GRIN2B: variants seen among roughly 807,000 people sequenced by gnomAD.
GRIN2B encodes the protein glutamate ionotropic receptor NMDA type subunit 2B, also known as glutamate receptor ionotropic, NMDA 2B.
GRIN2B carries 5 observed loss-of-function variants against 114.5 expected under a neutral mutation model. The ratio of observed to expected loss-of-function variants is 0.04; its 90% CI spans 0.02 to 0.09. The LOEUF (loss-of-function observed/expected upper bound fraction) is 0.09. Among genes scored for constraint, GRIN2B ranks in the 10% least tolerant of loss-of-function variants. GRIN2B has a pLI of 1.00. For synonymous variants in GRIN2B, 787 were observed against 745.1 expected, an observed-to-expected ratio of 1.06 and a Z score of -0.92; for missense variants, 1,108 against 1,943.5, an observed-to-expected ratio of 0.57 and a Z score of 8.08.
At chr12:13,917,835 CT>C (rs919801208) in intron 2 of GRIN2B, among the ~76,000 whole-genome samples, 13 of 152,086 alleles carry the variant, frequency 8.5e-5, no homozygotes, top group African/African-American at 2.9e-4. Context: ...CAACAGTGTT[CT>C]TTTTTTCTTT....
intron 3 of GRIN2B, among the ~76,000 whole-genome samples, chr12:13,860,746 A>G (rs1036211462): frequency 1.3e-5 from 2 of 152,222 alleles, no homozygotes; most frequent in Non-Finnish European, 2.9e-5. Context: ...CTACCATGCT[A>G]CACCCTGATC....
intron 3 of GRIN2B, among the ~76,000 whole-genome samples, chr12:13,857,233 T>G (rs761461727): frequency 7.2e-5 from 11 of 152,176 alleles, no homozygotes; most frequent in Non-Finnish European, 1.2e-4. Flanking sequence ...TGAGAGTGAT[T>G]TGAGCATATT....
At chr12:13,803,376 G>A (rs1229471263) in intron 3 of GRIN2B, among the ~76,000 whole-genome samples, 5 of 152,056 alleles carry the variant, frequency 3.3e-5, no homozygotes, top group Non-Finnish European at 7.4e-5. Context: ...CACATGCCAG[G>A]TACTGGGCTG....
chr12:13,580,372 T>C (rs1289481106), intron 10 of GRIN2B, among the ~76,000 whole-genome samples: 1 of 152,220 alleles, frequency 6.6e-6, no homozygotes, highest in Non-Finnish European at 1.5e-5. Flanking sequence ...CAGAGGCGGA[T>C]ATTGCACATC....
At chr12:13,605,180 T>C (rs1011830350) in intron 10 of GRIN2B, among the ~76,000 whole-genome samples, 1 of 151,758 alleles carries the variant, frequency 6.6e-6, no homozygotes, top group Non-Finnish European at 1.5e-5. Context: ...ATTATTGTAA[T>C]AGAATGCGGA....
chr12:13,788,302 C>T (rs1300967741), intron 3 of GRIN2B, among the ~76,000 whole-genome samples: 3 of 152,110 alleles, frequency 2.0e-5, no homozygotes, highest in African/African-American at 7.2e-5. Context: ...ATAGGGAACA[C>T]ATATAGTATT....
intron 2 of GRIN2B, among the ~76,000 whole-genome samples, chr12:13,891,013 C>G (rs146944096): frequency 6.6e-6 from 1 of 152,270 alleles, no homozygotes; most frequent in East Asian, 1.9e-4. Flanking sequence ...ATCTCCGCTC[C>G]CTATCAGTAT....
chr12:13,798,296 T>TA (rs34266526), intron 3 of GRIN2B, among the ~76,000 whole-genome samples: 39,765 of 146,180 alleles, frequency 0.27, 6,845 homozygotes, highest in Non-Finnish European at 0.4. Context: ...ATTCATTTAC[T>TA]AAAAAAAAAA....
rs1948519441 is a variant in GRIN2B at position 13,559,817 on chromosome 12, G to GAA, written c.*2964_*2965dup. On this transcript the variant is annotated 3_prime_UTR_variant, in exon 14 of 14. Coordinates refer to ENST00000609686, the MANE Select transcript of GRIN2B (RefSeq NM_000834.5). ...GAGTCAGCGCCCAGGTCCTAAAGAA[G>GAA]AAAAGACTCAGATGACTGAGACGAT... 6.6e-6 allele frequency: 1 copy of GAA among 152,218 alleles called. No individual in the cohort carries two copies. Among genetic ancestry groups the GAA allele is most frequent in the Admixed American group, 6.5e-5 (1 of 15,286 alleles). 9.4% of individuals were successfully genotyped at this position (152,218 alleles called of 1,614,324 possible).
chr12:13,603,727 G>C (rs1469312844), intron 10 of GRIN2B, among the ~76,000 whole-genome samples: 1 of 152,046 alleles, frequency 6.6e-6, no homozygotes, highest in East Asian at 1.9e-4. Context: ...GAATTAAATA[G>C]GAAAGTGGGG....
chr12:13,775,631 C>T (rs1037333314), intron 3 of GRIN2B, among the ~76,000 whole-genome samples: 19 of 152,204 alleles, frequency 1.2e-4, no homozygotes, highest in African/African-American at 4.3e-4. Context: ...GTCATTAATA[C>T]ATTTGTATAC....
At chr12:13,647,201 G>C (rs1949769348) in intron 5 of GRIN2B, among the ~76,000 whole-genome samples, 1 of 152,092 alleles carries the variant, frequency 6.6e-6, no homozygotes, top group Non-Finnish European at 1.5e-5. Context: ...AGTATGTGCT[G>C]TTTAAGCCAC....
chr12:13,758,785 T>G (rs1400583273), intron 3 of GRIN2B, among the ~76,000 whole-genome samples: 1 of 152,214 alleles, frequency 6.6e-6, no homozygotes, highest in Admixed American at 6.5e-5. Context: ...ATCTTGTGCA[T>G]GCCTCCGTCA....
intron 10 of GRIN2B, among the ~76,000 whole-genome samples, chr12:13,573,051 G>C (rs1262626047): frequency 7.9e-6 from 1 of 126,612 alleles, no homozygotes; most frequent in Non-Finnish European, 1.8e-5. Context: ...GTGTAACCTT[G>C]GGCAAGTAGC....
chr12:13,703,639 T>C (rs946605852), intron 4 of GRIN2B, among the ~76,000 whole-genome samples: 3 of 152,206 alleles, frequency 2.0e-5, no homozygotes, highest in Admixed American at 6.5e-5. Flanking sequence ...TAATCTTTCA[T>C]TGAATTATTA....
At chr12:13,585,478 A>G (rs1948908164) in intron 10 of GRIN2B, among the ~76,000 whole-genome samples, 1 of 152,174 alleles carries the variant, frequency 6.6e-6, no homozygotes, top group African/African-American at 2.4e-5. Flanking sequence ...GCCCTATGCG[A>G]GGGACACTCC....
At chr12:13,786,157 G>T (rs540542392) in intron 3 of GRIN2B, among the ~76,000 whole-genome samples, 1 of 152,078 alleles carries the variant, frequency 6.6e-6, no homozygotes, top group Non-Finnish European at 1.5e-5. Flanking sequence ...AGAACGCCTC[G>T]ACTAAACTAA....
chr12:13,973,156 T>G (rs1862960314), intron 2 of GRIN2B, among the ~76,000 whole-genome samples: 3 of 152,336 alleles, frequency 2.0e-5, no homozygotes, highest in South Asian at 4.1e-4. Context: ...CCTGTAACCA[T>G]GTAGTGCTTT....
intron 2 of GRIN2B, among the ~76,000 whole-genome samples, chr12:13,891,046 G>T (rs1255782607): frequency 6.6e-6 from 1 of 152,152 alleles, no homozygotes; most frequent in African/African-American, 2.4e-5. Flanking sequence ...GCCACCTTCA[G>T]CTGATTGCCA....
Sources: gnomAD v4.1 joint callset for allele counts (sites outside exome capture counted in the v4.1 genomes callset) on GRCh38, gnomAD v4.1.1 for gene constraint, MANE v1.5 for transcripts, NCBI Gene and HGNC (gene_info 2026-07-23, HGNC 2026-07-21) for gene names.